The following CNTN5 variants were observed in gnomAD, a reference collection of about 807,000 sequenced individuals.
CNTN5 encodes contactin-5.
CNTN5 carries 77 observed loss-of-function variants against 129.1 expected under a neutral mutation model. The ratio of observed to expected loss-of-function variants is 0.60; its 90% confidence interval spans 0.50 to 0.72. The LOEUF is 0.72. Ranked by LOEUF, CNTN5 falls within the 30% of genes least tolerant of loss-of-function variation. The pLI, the probability that CNTN5 is intolerant of heterozygous loss-of-function variation, is 0.00. For synonymous variants in CNTN5, 509 were observed against 465.6 expected (o/e 1.09, Z -1.20); for missense variants, 1,478 against 1,328.8 (o/e 1.11, Z -1.75).
At chr11:99,786,983 G>T (rs1232069876) in intron 3 of CNTN5, among the ~76,000 whole-genome samples, 1 of 152,096 alleles carries the variant, frequency 6.6e-6, no homozygotes, top group East Asian at 1.9e-4. Context: ...GAAACATTTA[G>T]ATGTAACAAA....
intron 3 of CNTN5, among the ~76,000 whole-genome samples, chr11:99,647,414 A>G (rs1204264713): frequency 1.3e-5 from 2 of 152,034 alleles, no homozygotes. Flanking sequence ...TTTTTATGCC[A>G]GTAGTATGCT....
intron 17 of CNTN5, among the ~76,000 whole-genome samples, chr11:100,257,058 T>C (rs1378811654): frequency 6.6e-6 from 1 of 152,008 alleles, no homozygotes; most frequent in East Asian, 1.9e-4. Flanking sequence ...CACGAAATTC[T>C]CAACAGTCTG....
chr11:99,044,524 A>G (rs1171227574), intron 1 of CNTN5, among the ~76,000 whole-genome samples: 1 of 152,066 alleles, frequency 6.6e-6, no homozygotes, highest in African/African-American at 2.4e-5. Flanking sequence ...ACTCCAACCT[A>G]CAAGTATACA....
Position 100,105,812 on chromosome 11 carries a change from G to A in CNTN5, c.1580+31518G>A, listed in dbSNP as rs563013703. On this transcript the variant is annotated intron_variant, in intron 13 of 24. Transcript: ENST00000524871. The stretch of plus-strand genomic sequence containing the variant: ...CCAGGTCTTCAGGTTTCCAGGCAGT[G>A]CCCAAGGCTCCATGCAGCAGCAAGT... 3.3e-5 allele frequency among the ~76,000 whole-genome samples: 5 copies of A among 152,084 alleles called. No homozygotes were observed. The South Asian group carries it at 1.0e-3, about 31-fold the overall frequency.
At chr11:99,277,776 A>G (rs995318877) in intron 1 of CNTN5, among the ~76,000 whole-genome samples, 1 of 151,692 alleles carries the variant, frequency 6.6e-6, no homozygotes, top group Non-Finnish European at 1.5e-5. Context: ...ATAGTGACTT[A>G]GTGTATTTTA....
At chr11:100,221,584 G>A (rs1487283245) in intron 15 of CNTN5, among the ~76,000 whole-genome samples, 2 of 152,204 alleles carry the variant, frequency 1.3e-5, no homozygotes, top group Non-Finnish European at 2.9e-5. Flanking sequence ...ACCAAGATAT[G>A]TAAATGACAT....
intron 3 of CNTN5, among the ~76,000 whole-genome samples, chr11:99,713,093 G>C (rs1955067500): frequency 6.6e-6 from 1 of 151,994 alleles, no homozygotes; most frequent in African/African-American, 2.4e-5. Context: ...CATTTTCACG[G>C]TATTACTTTT....
intron 2 of CNTN5, among the ~76,000 whole-genome samples, chr11:99,327,117 C>T (rs1424284872): frequency 6.6e-6 from 1 of 151,980 alleles, no homozygotes; most frequent in East Asian, 1.9e-4. Flanking sequence ...AATCTAAGCA[C>T]CTTAATTGAA....
At chr11:99,120,417 A>T (rs1858255439) in intron 1 of CNTN5, 1 of 152,214 alleles carries the variant, frequency 6.6e-6, no homozygotes, top group Admixed American at 6.6e-5. Flanking sequence ...ACCTCCAAAC[A>T]TGCTATTAGT....
Position 99,145,703 on chromosome 11 carries a change from C to T in CNTN5, c.-210+124433C>T, listed in dbSNP as rs532221840. Among the ~76,000 whole-genome samples, 28 of 152,138 alleles carry T rather than the reference C, an allele frequency of 1.8e-4. No homozygotes were observed. In the South Asian group the frequency reaches 2.9e-3, roughly 16 times the overall value. On this transcript the variant is annotated intron_variant, in intron 1 of 24. Coordinates refer to ENST00000524871, the MANE Select transcript of CNTN5 (RefSeq NM_014361.4). Reference sequence around the variant, plus strand: ...TAGGTAAAAGACATGTCAGCTCAAACGGCAAGTATTACTTACTCTTCCACA... The same window carrying T: ...TAGGTAAAAGACATGTCAGCTCAAATGGCAAGTATTACTTACTCTTCCACA...
chr11:99,086,364 GT>G (rs1197875158), intron 1 of CNTN5, among the ~76,000 whole-genome samples: 1 of 152,184 alleles, frequency 6.6e-6, no homozygotes, highest in Non-Finnish European at 1.5e-5. Context: ...TTATAAAGAG[GT>G]TTAATTGGCT....
intron 3 of CNTN5, among the ~76,000 whole-genome samples, chr11:99,745,391 A>G (rs915811809): frequency 3.3e-5 from 5 of 152,156 alleles, no homozygotes; most frequent in African/African-American, 9.7e-5. Flanking sequence ...CTCGGTGTTC[A>G]TTTATCTACA....
chr11:100,307,760 G>A (rs1358174155), intron 20 of CNTN5, among the ~76,000 whole-genome samples: 2 of 151,520 alleles, frequency 1.3e-5, no homozygotes, highest in Non-Finnish European at 3.0e-5. Context: ...TAAAAATTTA[G>A]ATGCACAGAA....
rs186001235 is a variant in CNTN5 at position 100,001,912 on chromosome 11, T to G, written c.878-122T>G. On this transcript the variant is annotated intron_variant, in intron 8 of 24. Coordinates refer to ENST00000524871, the MANE Select transcript of CNTN5 (RefSeq NM_014361.4). ...TACTTATTTCAATACATCGAAAAAT[T>G]TAACAGTCATCAAACAGACATTAAC... 697 of 686,416 alleles carry G rather than the reference T, an allele frequency of 1.0e-3. 11 individuals are homozygous for G. In the Admixed American group the frequency reaches 0.019, roughly 19 times the overall value. 42.5% of individuals were successfully genotyped at this position (686,416 alleles called of 1,614,324 possible). A position where few individuals can be genotyped will look rare whatever the true frequency, so the allele number is the denominator to read the frequency against.
At chr11:99,285,764 A>G (rs1299790652) in intron 1 of CNTN5, among the ~76,000 whole-genome samples, 1 of 152,076 alleles carries the variant, frequency 6.6e-6, no homozygotes. Context: ...AAGGCCAGGC[A>G]CGGTGGCTCA....
intron 2 of CNTN5, among the ~76,000 whole-genome samples, chr11:99,427,942 C>A (rs996242089): frequency 9.9e-5 from 15 of 151,804 alleles, no homozygotes; most frequent in African/African-American, 3.6e-4. Context: ...TTAATTTTAG[C>A]CAACTTAATC....
At chr11:99,861,910 C>T (rs961219536) in intron 6 of CNTN5, among the ~76,000 whole-genome samples, 1 of 151,990 alleles carries the variant, frequency 6.6e-6, no homozygotes, top group African/African-American at 2.4e-5. Context: ...AATTGAATAC[C>T]TAGTAATAAG....
intron 3 of CNTN5, among the ~76,000 whole-genome samples, chr11:99,569,729 ATTTAC>A (rs1434868373): frequency 6.6e-6 from 1 of 152,290 alleles, no homozygotes; most frequent in African/African-American, 2.4e-5. Context: ...GAAAAGAAAT[ATTTAC>A]TTTAATTTTT....
intron 7 of CNTN5, among the ~76,000 whole-genome samples, chr11:99,932,636 C>T (rs191369208): frequency 3.2e-4 from 49 of 152,054 alleles, no homozygotes; most frequent in African/African-American, 1.1e-3. Flanking sequence ...ATGTTCTTAC[C>T]ATAATTCCTC....
Sources: gnomAD v4.1 joint callset for allele counts (sites outside exome capture counted in the v4.1 genomes callset) on GRCh38, gnomAD v4.1.1 for gene constraint, MANE v1.5 for transcripts, NCBI Gene and HGNC (gene_info 2026-07-23, HGNC 2026-07-21) for gene names.